DCHS2: variants seen among roughly 807,000 people sequenced by gnomAD.
DCHS2 encodes protocadherin-23.
A neutral mutation model predicts 182.4 loss-of-function variants in DCHS2; 142 were observed. The observed-to-expected ratio is 0.78, with a 90% CI of 0.68 to 0.89. DCHS2 has a LOEUF of 0.89. DCHS2 is among the 40% of genes least tolerant of loss of function. DCHS2 has a pLI of 0.00. For synonymous variants in DCHS2, 1,740 were observed against 1,663.3 expected, an observed-to-expected ratio of 1.05 and a Z score of -1.12; for missense variants, 4,319 against 4,198.6, an observed-to-expected ratio of 1.03 and a Z score of -0.79.
chr4:154,298,426 C>T lies in DCHS2; in HGVS notation c.5888G>A (p.Gly1963Asp). Residue 1963 changes from glycine (G) to aspartate (D), a missense_variant, in exon 13 of 20, where the codon GGC becomes GAC. Gly to Asp is a moderately conservative substitution (Grantham distance 94). Coordinates refer to ENST00000357232, the MANE Select transcript of DCHS2 (RefSeq NM_001358235.2). ...LVLSAVDKDE[G>D]LNGQTEYFLT... ...AAAATACTCAGTTTGCCCATTCAGG[C>T]CTTCATCCTTGTCCACAGCTGAAAG... 1 of 1,614,154 alleles carries T rather than the reference C, an allele frequency of 6.2e-7. No homozygotes were observed. Among genetic ancestry groups the T allele is most frequent in the Non-Finnish European group, 8.5e-7 (1 of 1,180,006 alleles).
rs752926854 is a variant in DCHS2, at chr4:154,322,484, A to G, written c.4023T>C (p.Asp1341=). The change falls in exon 8 of 20, where the codon GAT becomes GAC. Residue 1341 remains aspartate, a synonymous_variant. Transcript: ENST00000357232. ...AEVTYSVSSE[D]SSDHFKIDAN... The stretch of plus-strand genomic sequence containing the variant: ...CGTCAATCTTAAAGTGATCAGAACT[A>G]TCTTCTACACACACAAGAAAATTAA... 15 of 1,606,904 alleles carry G rather than the reference A, an allele frequency of 9.3e-6. No individual in the cohort carries two copies. The East Asian group carries it at 2.2e-4, about 24-fold the overall frequency.
rs75453259 is a variant in DCHS2, at chr4:154,246,056, A to C, written c.6942-3284T>G. On this transcript the variant is annotated intron_variant, in intron 16 of 19. Transcript: ENST00000357232. ...GTGGACCTAAAACCACTCTAAAAGA[A>C]GTCTTTTAAAATGCATTCAGAGGAG... Among the ~76,000 whole-genome samples the C allele has an allele frequency of 7.5e-4, 114 of 152,262 alleles. 1 individual carries two copies. In the East Asian group the frequency reaches 0.016, roughly 22 times the overall value.
At chr4:154,318,105 T>A (rs1430150102) in intron 9 of DCHS2, among the ~76,000 whole-genome samples, 1 of 152,084 alleles carries the variant, frequency 6.6e-6, no homozygotes, top group Admixed American at 6.5e-5. Flanking sequence ...CTGTTGTGTA[T>A]TCAGCCCATA....
chr4:154,324,188 T>C lies in DCHS2; in HGVS notation c.4019-1700A>G, dbSNP rs57839763. Reference sequence around the variant, plus strand: ...AAGCATGATTTAAACATATTAGTTGTATTTCAATATATTGCCATTTTTATC... The same window carrying C: ...AAGCATGATTTAAACATATTAGTTGCATTTCAATATATTGCCATTTTTATC... On this transcript the variant is annotated intron_variant, in intron 7 of 19. Transcript: ENST00000357232. Among the ~76,000 whole-genome samples, 156 of 152,370 alleles carry C rather than the reference T, an allele frequency of 1.0e-3. 1 individual carries two copies. Among genetic ancestry groups the C allele is most frequent in the African/African-American group, 3.6e-3 (149 of 41,584 alleles).
Position 154,490,357 on chromosome 4 carries a change from G to C in DCHS2, c.999C>G (p.Tyr333Ter). 1 of 1,538,824 alleles carries C rather than the reference G, an allele frequency of 6.5e-7. No individual in the cohort carries two copies. Among genetic ancestry groups the C allele is most frequent in the African/African-American group, 1.4e-5 (1 of 72,964 alleles). ...RDLGPNGFVR[Y>*]SVRARQVPGA... Reference sequence around the variant, plus strand: ...CAGGCACTTGCCGGGCGCGGACGCTGTAGCGCACGAAGCCATTGGGCCCCA... The same window carrying C: ...CAGGCACTTGCCGGGCGCGGACGCTCTAGCGCACGAAGCCATTGGGCCCCA... The change falls in exon 1 of 20, where the codon TAC (tyrosine) becomes TAG (stop). Residue 333 changes from tyrosine (Y) to a stop codon, truncating the protein, a stop_gained. Transcript: ENST00000357232. LOFTEE classifies it high-confidence loss of function.
At chr4:154,383,765 T>C (rs1245059172) in intron 1 of DCHS2, among the ~76,000 whole-genome samples, 2 of 152,056 alleles carry the variant, frequency 1.3e-5, no homozygotes, top group African/African-American at 2.4e-5. Context: ...TGTAACAGGG[T>C]TGGCCATAAT....
At chr4:154,357,461 C>T in intron 3 of DCHS2, 1 of 621,548 alleles carries the variant, frequency 1.6e-6, no homozygotes, top group Non-Finnish European at 2.8e-6. Context: ...TCTTTCTGAG[C>T]CCAGCTATCA....
At chr4:154,266,380 T>C (rs1431705186) in intron 14 of DCHS2, among the ~76,000 whole-genome samples, 1 of 152,078 alleles carries the variant, frequency 6.6e-6, no homozygotes, top group Non-Finnish European at 1.5e-5. Flanking sequence ...TGGAAATCAT[T>C]GTAATAAAAG....
intron 13 of DCHS2, chr4:154,272,217 G>A (rs1733633606): frequency 6.6e-6 from 1 of 152,060 alleles, no homozygotes; most frequent in Admixed American, 6.6e-5. Flanking sequence ...GAAAAAAACT[G>A]CTATGAACAT....
chr4:154,413,834 T>C (rs1222201219), intron 1 of DCHS2, among the ~76,000 whole-genome samples: 1 of 152,234 alleles, frequency 6.6e-6, no homozygotes, highest in African/African-American at 2.4e-5. Context: ...ACTGCATTAC[T>C]TTATAGCTTC....
chr4:154,482,149 CA>C (rs1735946794), intron 1 of DCHS2, among the ~76,000 whole-genome samples: 4 of 152,174 alleles, frequency 2.6e-5, no homozygotes, highest in Non-Finnish European at 1.5e-5. Context: ...GTGAGTGTAG[CA>C]AGATGATTTA....
chr4:154,341,970 G>C (rs1283618627), intron 3 of DCHS2, among the ~76,000 whole-genome samples: 1 of 151,918 alleles, frequency 6.6e-6, no homozygotes, highest in Admixed American at 6.6e-5. Flanking sequence ...ACCATCAAAA[G>C]AAATCAACAC....
chr4:154,491,633 T>G lies in DCHS2; in HGVS notation c.-278A>C. The stretch of plus-strand genomic sequence containing the variant: ...TTCTTTAAACGAATCTCATCTCTTT[T>G]TCTCTCTCCTTTTATTCCCTTTACA... On this transcript the variant is annotated 5_prime_UTR_variant, in exon 1 of 20. Coordinates refer to ENST00000357232, the MANE Select transcript of DCHS2 (RefSeq NM_001358235.2). The G allele has an allele frequency of 7.7e-7, 1 of 1,305,886 alleles. No individual in the cohort carries two copies. The highest frequency in any genetic ancestry group is 9.7e-7 in the Non-Finnish European group (1 of 1,032,348). The allele number at this position is 1,305,886 out of a possible 1,614,324, so 80.9% of individuals were successfully genotyped here.
intron 14 of DCHS2, among the ~76,000 whole-genome samples, chr4:154,265,646 A>G (rs2111189432): frequency 6.6e-6 from 1 of 152,326 alleles, no homozygotes; most frequent in African/African-American, 2.4e-5. Context: ...AGTGATCAAT[A>G]CAAATTCAAG....
At chr4:154,444,363 C>T (rs1214711068) in intron 1 of DCHS2, among the ~76,000 whole-genome samples, 2 of 152,158 alleles carry the variant, frequency 1.3e-5, no homozygotes, top group Non-Finnish European at 2.9e-5. Context: ...ACTTCTTCCC[C>T]TAAACCTCTT....
intron 13 of DCHS2, 149 bp downstream of exon 13, chr4:154,297,702 T>C (rs1734990318): frequency 7.6e-7 from 1 of 1,319,216 alleles, no homozygotes; most frequent in Non-Finnish European, 1.0e-6. Flanking sequence ...CAGGTTCCAC[T>C]TAACCATGTT....
chr4:154,397,383 G>A (rs1225141393), intron 1 of DCHS2, among the ~76,000 whole-genome samples: 1 of 152,142 alleles, frequency 6.6e-6, no homozygotes, highest in Non-Finnish European at 1.5e-5. Flanking sequence ...TCTAGGTCTA[G>A]AATACCTATT....
At chr4:154,431,949 A>T (rs966154654) in intron 1 of DCHS2, among the ~76,000 whole-genome samples, 2 of 152,068 alleles carry the variant, frequency 1.3e-5, no homozygotes. Flanking sequence ...TGAAGCCTGG[A>T]TACATATTTT....
chr4:154,490,716 T>C lies in DCHS2; in HGVS notation c.640A>G (p.Lys214Glu). The C allele has an allele frequency of 1.3e-6, 2 of 1,551,578 alleles. No individual in the cohort carries two copies. Among genetic ancestry groups the C allele is most frequent in the Non-Finnish European group, 1.7e-6 (2 of 1,146,900 alleles). ...YTLVQPSDLP[K>E]DPAGPFFQLR... is the part of the protein sequence containing the mutation. ...TGGAAGAACGGGCCTGCGGGGTCCT[T>C]GGGCAGGTCGGACGGTTGCACCAGG... Residue 214 changes from lysine (K) to glutamate (E), a missense_variant, in exon 1 of 20, where the codon AAG becomes GAG. Physicochemically the swap from Lys to Glu is moderately conservative, Grantham distance 56. Transcript: ENST00000357232.
Sources: allele counts gnomAD v4.1 joint callset (sites outside exome capture counted in the v4.1 genomes callset), GRCh38; gene constraint gnomAD v4.1.1; transcripts MANE v1.5; gene names NCBI Gene and HGNC (gene_info 2026-07-23, HGNC 2026-07-21).